Variants in TMC5 observed in about 807,000 individuals in gnomAD.
TMC5 encodes transmembrane channel-like protein 5.
Under a neutral mutation model 110.5 loss-of-function variants are expected in TMC5, and 86 were observed. The observed-to-expected ratio is 0.78, with a 90% CI of 0.65 to 0.93. The LOEUF (loss-of-function observed/expected upper bound fraction) is 0.93. Ranked by LOEUF, TMC5 falls within the 40% of genes least tolerant of loss-of-function variation. The pLI, the probability that TMC5 is intolerant of heterozygous loss-of-function variation, is 0.00. For missense variants in TMC5, 1,144 were observed against 1,222.8 expected (o/e 0.94, Z 0.96); for synonymous variants, 455 against 439.5 (o/e 1.04, Z -0.44).
chr16:19,463,608 T>C (rs1374608021), intron 7 of TMC5, among the ~76,000 whole-genome samples, 168 bp from the exon 8 acceptor site: 1 of 152,216 alleles, frequency 6.6e-6, no homozygotes, highest in Non-Finnish European at 1.5e-5. Flanking sequence ...GGGAAGGTCA[T>C]AATAGCTCCA....
chr16:19,491,533 ATTTTTTT>A (rs71275925), intron 18 of TMC5, among the ~76,000 whole-genome samples: 3 of 117,852 alleles, frequency 2.5e-5, no homozygotes, highest in Non-Finnish European at 3.4e-5. Context: ...TGTCTTAGGG[ATTTTTTT>A]TTTTTTTTTT....
intron 14 of TMC5, 46 bp downstream of exon 14, chr16:19,479,574 C>A: frequency 7.3e-7 from 1 of 1,374,552 alleles, no homozygotes; most frequent in Non-Finnish European, 1.0e-6. Flanking sequence ...ATGCTGTAAA[C>A]AGAACCTGAT....
chr16:19,458,356 A>G (rs1016326198), intron 5 of TMC5, among the ~76,000 whole-genome samples: 4 of 151,960 alleles, frequency 2.6e-5, no homozygotes, highest in African/African-American at 9.7e-5. Flanking sequence ...GATTACAGGC[A>G]CCTGACACCA....
intron 3 of TMC5, among the ~76,000 whole-genome samples, chr16:19,441,471 C>G (rs1486519612): frequency 1.3e-5 from 2 of 152,012 alleles, no homozygotes; most frequent in African/African-American, 2.4e-5. Context: ...AGGTGTGCAC[C>G]TATTATGCCC....
intron 2 of TMC5, among the ~76,000 whole-genome samples, chr16:19,432,993 G>A (rs938631707): frequency 6.6e-6 from 1 of 151,708 alleles, no homozygotes; most frequent in Non-Finnish European, 1.5e-5. Flanking sequence ...ATCTTTGTGT[G>A]TATATACATA....
chr16:19,438,404 AAAAAG>A lies in TMC5; in HGVS notation c.-79-1553_-79-1549del, dbSNP rs1490705638. Among the ~76,000 whole-genome samples, 7 of 136,100 alleles carry A rather than the reference AAAAAG, an allele frequency of 5.1e-5. No homozygotes were observed. The South Asian group carries it at 7.4e-4, about 14-fold the overall frequency. 89.3% of individuals were successfully genotyped at this position (136,100 alleles called of 152,430 possible). A position where few individuals can be genotyped will look rare whatever the true frequency, so the allele number is the denominator to read the frequency against. ...TGACACCCTGTCAAAAAAAAAAAAA[AAAAAG>A]AAGAAAGAAAAGAAAAAGAAAGAAA... On this transcript the variant is annotated intron_variant, in intron 2 of 21. Coordinates refer to ENST00000542583, the MANE Select transcript of TMC5 (RefSeq NM_001261841.2).
Position 19,433,418 on chromosome 16 carries a change from T to G in TMC5, c.-80+2778T>G, listed in dbSNP as rs2143418904. On this transcript the variant is annotated intron_variant, in intron 2 of 21. Transcript: ENST00000542583. ...CTGGCCAAAGATAGCCATATGCGAT[T>G]GTCTTCCTGCAGCACAATGACCTGG... Among the ~76,000 whole-genome samples, 2 of 152,302 alleles carry G rather than the reference T, an allele frequency of 1.3e-5. 1 individual carries two copies. Among genetic ancestry groups the G allele is most frequent in the South Asian group, 4.1e-4 (2 of 4,824 alleles).
intron 4 of TMC5, 136 bp downstream of exon 4, chr16:19,444,386 T>C: frequency 1.4e-6 from 1 of 739,052 alleles, no homozygotes; most frequent in Non-Finnish European, 2.1e-6. Context: ...TGTTTTTACA[T>C]ACAAAAGTTG....
At chr16:19,422,912 C>T (rs1276399426) in intron 1 of TMC5, among the ~76,000 whole-genome samples, 3 of 152,134 alleles carry the variant, frequency 2.0e-5, no homozygotes, top group Non-Finnish European at 1.5e-5. Context: ...TGAGCCATTG[C>T]ACTCCAGCCT....
chr16:19,463,006 C>T (rs1302746460), intron 6 of TMC5, among the ~76,000 whole-genome samples: 1 of 152,050 alleles, frequency 6.6e-6, no homozygotes, highest in African/African-American at 2.4e-5. Context: ...AACTTTTGGG[C>T]CCAAGTAATC....
chr16:19,489,525 A>G (rs903281047), intron 17 of TMC5, among the ~76,000 whole-genome samples: 4 of 151,916 alleles, frequency 2.6e-5, no homozygotes, highest in South Asian at 4.2e-4. Context: ...TAGTAGAGAC[A>G]GGGTTTCACC....
chr16:19,473,497 C>A (rs1968403997), intron 11 of TMC5, among the ~76,000 whole-genome samples: 2 of 151,550 alleles, frequency 1.3e-5, no homozygotes, highest in African/African-American at 4.8e-5. Context: ...AGCACATCCT[C>A]ATTGCCCTGG....
At chr16:19,456,226 T>C (rs1023484835) in intron 5 of TMC5, among the ~76,000 whole-genome samples, 9 of 147,466 alleles carry the variant, frequency 6.1e-5, no homozygotes, top group African/African-American at 1.8e-4. Context: ...AATATATATA[T>C]ACACACATTT....
chr16:19,443,577 A>C (rs780272762), intron 3 of TMC5, among the ~76,000 whole-genome samples: 1 of 152,204 alleles, frequency 6.6e-6, no homozygotes, highest in Non-Finnish European at 1.5e-5. Context: ...TCTTGAGGGC[A>C]GGTACCCCAT....
At chr16:19,460,442 C>A in intron 6 of TMC5, 108 bp downstream of exon 6, 1 of 723,538 alleles carries the variant, frequency 1.4e-6, no homozygotes, top group Non-Finnish European at 2.2e-6. Flanking sequence ...ATAGAAGAGA[C>A]AAATATTCCT....
chr16:19,434,487 G>GATAT (rs1967296801), intron 2 of TMC5, among the ~76,000 whole-genome samples: 1 of 74,014 alleles, frequency 1.4e-5, no homozygotes, highest in South Asian at 5.4e-4. Context: ...TAGATAGATA[G>GATAT]ATAGATATAG....
chr16:19,422,448 C>G (rs1270962531), intron 1 of TMC5, among the ~76,000 whole-genome samples: 1 of 152,104 alleles, frequency 6.6e-6, no homozygotes, highest in Non-Finnish European at 1.5e-5. Flanking sequence ...CTGGATTGCT[C>G]GAGAACCTCC....
At chr16:19,442,971 T>G (rs1372037152) in intron 3 of TMC5, among the ~76,000 whole-genome samples, 1 of 152,168 alleles carries the variant, frequency 6.6e-6, no homozygotes, top group Non-Finnish European at 1.5e-5. Flanking sequence ...CCCCATAACC[T>G]TTGGAGAAAG....
At chr16:19,489,624 G>A (rs913093186) in intron 17 of TMC5, among the ~76,000 whole-genome samples, 42 of 149,050 alleles carry the variant, frequency 2.8e-4, no homozygotes, top group African/African-American at 9.6e-4. Context: ...ATGAGCCACC[G>A]CGCCTGGCAT....
Sources: allele counts gnomAD v4.1 joint callset (sites outside exome capture counted in the v4.1 genomes callset), GRCh38; gene constraint gnomAD v4.1.1; transcripts MANE v1.5; gene names NCBI Gene and HGNC (gene_info 2026-07-23, HGNC 2026-07-21).